Variants in SMG7 observed in about 807,000 individuals in gnomAD.
SMG7 encodes the protein nonsense-mediated mRNA decay factor SMG7.
Under a neutral mutation model 148.2 loss-of-function variants are expected in SMG7, and 34 were observed. The observed-to-expected ratio is 0.23, with a 90% CI of 0.17 to 0.31. SMG7 has a LOEUF of 0.31. Among genes scored for constraint, SMG7 ranks in the 10% least tolerant of loss-of-function variants. The pLI is 1.00. For missense variants in SMG7, 1,114 were observed against 1,408.4 expected (o/e 0.79, Z 3.35); for synonymous variants, 492 against 515.1 (o/e 0.96, Z 0.61).
At chr1:183,538,834 A>C (rs145789406) in intron 12 of SMG7, among the ~76,000 whole-genome samples, 1 of 152,276 alleles carries the variant, frequency 6.6e-6, no homozygotes, top group African/African-American at 2.4e-5. Flanking sequence ...ATGAATTTAC[A>C]TCCCTCTATT....
At chr1:183,474,878 A>G (rs911405960) in intron 1 of SMG7, among the ~76,000 whole-genome samples, 20 of 152,218 alleles carry the variant, frequency 1.3e-4, no homozygotes, top group Admixed American at 1.3e-4. Flanking sequence ...GAAGCGGGGA[A>G]TTCCAAATGG....
intron 4 of SMG7, among the ~76,000 whole-genome samples, chr1:183,525,980 A>G (rs1318629313): frequency 6.6e-6 from 1 of 151,910 alleles, no homozygotes; most frequent in Non-Finnish European, 1.5e-5. Flanking sequence ...TGCTTGCTTA[A>G]TGTGTCTGAA....
chr1:183,552,506 G>C lies in SMG7; in HGVS notation c.*575G>C, dbSNP rs1326104423. 1 of 997,764 alleles carries C rather than the reference G, an allele frequency of 1.0e-6. No homozygotes were observed. The highest frequency in any genetic ancestry group is 1.7e-5 in the African/African-American group (1 of 57,484). 61.8% of individuals were successfully genotyped at this position (997,764 alleles called of 1,614,324 possible). Reference sequence around the variant, plus strand: ...CCGTTCACTGCTCCTGTGAGAGGTTGGTGGTGACAGGATGGGGAACCGACC... The same window carrying C: ...CCGTTCACTGCTCCTGTGAGAGGTTCGTGGTGACAGGATGGGGAACCGACC... On this transcript the variant is annotated 3_prime_UTR_variant, in exon 23 of 23. Coordinates refer to ENST00000688051, the MANE Select transcript of SMG7 (RefSeq NM_001375584.1).
At chr1:183,496,263 T>C (rs546839430) in intron 1 of SMG7, among the ~76,000 whole-genome samples, 1 of 152,346 alleles carries the variant, frequency 6.6e-6, no homozygotes, top group South Asian at 2.1e-4. Context: ...GGGACTTTTT[T>C]TCCTTTTAAA....
At chr1:183,503,256 A>G (rs181185940) in intron 1 of SMG7, among the ~76,000 whole-genome samples, 13 of 152,344 alleles carry the variant, frequency 8.5e-5, no homozygotes, top group African/African-American at 2.9e-4. Context: ...AAGTGATTAA[A>G]CTATATTATT....
intron 12 of SMG7, among the ~76,000 whole-genome samples, chr1:183,540,037 T>A (rs1668523784): frequency 6.6e-6 from 1 of 152,216 alleles, no homozygotes; most frequent in African/African-American, 2.4e-5. Context: ...TTGTTCAGCC[T>A]TATTTTCTTC....
At chr1:183,538,738 T>C (rs1362703591) in intron 12 of SMG7, among the ~76,000 whole-genome samples, 4 of 152,212 alleles carry the variant, frequency 2.6e-5, no homozygotes, top group African/African-American at 9.6e-5. Flanking sequence ...TCCAGTGTCT[T>C]GTCTTTCTTT....
intron 1 of SMG7, among the ~76,000 whole-genome samples, chr1:183,485,743 G>GT (rs1236010144): frequency 6.6e-6 from 1 of 152,192 alleles, no homozygotes; most frequent in Non-Finnish European, 1.5e-5. Flanking sequence ...ACATAGAGAT[G>GT]TTTAGGTGCC....
At chr1:183,497,821 C>T (rs1472238590) in intron 1 of SMG7, among the ~76,000 whole-genome samples, 1 of 152,130 alleles carries the variant, frequency 6.6e-6, no homozygotes, top group Non-Finnish European at 1.5e-5. Context: ...CCACCTGCCT[C>T]GGCCTCCCAA....
At chr1:183,472,712 C>T in intron 1 of SMG7, 63 bp downstream of exon 1, 4 of 1,374,222 alleles carry the variant, frequency 2.9e-6, no homozygotes, top group Non-Finnish European at 3.8e-6. Context: ...CATGGAGCAA[C>T]AGACACCGAG....
At chr1:183,497,461 C>T (rs538839454) in intron 1 of SMG7, among the ~76,000 whole-genome samples, 3 of 152,286 alleles carry the variant, frequency 2.0e-5, no homozygotes, top group Admixed American at 1.3e-4. Context: ...GTAGGAGTTC[C>T]AGGGGTGCAA....
In SMG7 at chr1:183,527,710, A is replaced by G. The variant is rs1056089871; in HGVS notation, c.485-246A>G. 1 of 534,852 alleles carries G rather than the reference A, an allele frequency of 1.9e-6. No homozygotes were observed. The highest frequency in any genetic ancestry group is 3.7e-6 in the Non-Finnish European group (1 of 269,072). 33.1% of individuals were successfully genotyped at this position (534,852 alleles called of 1,614,324 possible). A position where few individuals can be genotyped will look rare whatever the true frequency, so the allele number is the denominator to read the frequency against. Reference sequence around the variant, plus strand: ...GGGAGCTGGTGATGCATGACACTGGAGGACCTGAAAATGGGGTCTAGGTAA... The same window carrying G: ...GGGAGCTGGTGATGCATGACACTGGGGGACCTGAAAATGGGGTCTAGGTAA... On this transcript the variant is annotated intron_variant, in intron 5 of 22. Coordinates refer to ENST00000688051, the MANE Select transcript of SMG7 (RefSeq NM_001375584.1). This position sits in a 1 kb window ranked among gnomAD's most constrained non-coding sequence, Gnocchi z 4.0.
At chr1:183,537,007 A>G in intron 10 of SMG7, 138 bp from the exon 11 acceptor site, 1 of 589,540 alleles carries the variant, frequency 1.7e-6, no homozygotes, top group South Asian at 2.3e-5. Flanking sequence ...ATTTTTAAAA[A>G]TTATACAGCC....
chr1:183,533,270 A>C lies in SMG7; in HGVS notation c.950A>C (p.Gln317Pro), dbSNP rs1667180592. ...CGTGACTTTAGCAATGAAACCGAGC[A>C]GCACACTTATAGCCAAGATGAGCAG... is the stretch of plus-strand genomic sequence containing the variant. The part of the protein sequence containing the change: ...HLRDFSNETE[Q>P]HTYSQDEQLC... The change falls in exon 9 of 23, where the codon CAG becomes CCG. Residue 317 changes from glutamine (Q) to proline (P), a missense_variant. This residue lies in a region of SMG7 where 102 missense variants were observed against 147.2 expected (regional missense o/e 0.69). Coordinates refer to ENST00000688051, the MANE Select transcript of SMG7 (RefSeq NM_001375584.1). The C allele has an allele frequency of 6.2e-7, 1 of 1,613,912 alleles. No individual in the cohort carries two copies. The highest frequency in any genetic ancestry group is 8.5e-7 in the Non-Finnish European group (1 of 1,179,892).
At chr1:183,496,855 T>C (rs575095123) in intron 1 of SMG7, among the ~76,000 whole-genome samples, 5 of 152,330 alleles carry the variant, frequency 3.3e-5, no homozygotes, top group Admixed American at 6.5e-5. Context: ...AATCTTAGAA[T>C]GTTTTAAGAA....
Position 183,542,280 on chromosome 1 carries a change from A to C in SMG7, c.1620A>C (p.Gly540=), listed in dbSNP as rs1377631094. 6.2e-7 allele frequency: 1 copy of C among 1,614,182 alleles called. No individual in the cohort carries two copies. ...SRNLSNNCDT[G]EKPVVTFKEN... ...ATTTAAGCAACAACTGTGACACAGG[A>C]GAGAAGCCAGTGGTTACCTTCAAAG... Residue 540 remains glycine (G), a synonymous_variant, in exon 14 of 23, where the codon GGA becomes GGC. Transcript: ENST00000688051.
intron 1 of SMG7, among the ~76,000 whole-genome samples, chr1:183,508,665 G>C (rs1029305579): frequency 1.3e-5 from 2 of 152,064 alleles, no homozygotes; most frequent in Non-Finnish European, 2.9e-5. Context: ...TCCTTTTCTT[G>C]TGAGGCAGTA....
intron 1 of SMG7, among the ~76,000 whole-genome samples, chr1:183,503,540 A>G (rs776869219): frequency 6.6e-6 from 1 of 152,130 alleles, no homozygotes; most frequent in Non-Finnish European, 1.5e-5. Flanking sequence ...TTCTTTTGTC[A>G]CTTGTGGTGG....
At chr1:183,538,561 C>T (rs761939027) in intron 12 of SMG7, 121 bp downstream of exon 12, 27 of 716,158 alleles carry the variant, frequency 3.8e-5, no homozygotes, top group Non-Finnish European at 5.5e-5. Flanking sequence ...ATTTTTGTAA[C>T]GTCAACTAAT....
Sources: gnomAD v4.1 joint callset for allele counts (sites outside exome capture counted in the v4.1 genomes callset) on GRCh38, gnomAD v4.1.1 for gene constraint, gnomAD v4.1.1 regional missense constraint, Gnocchi (gnomAD v3.1) non-coding constraint, MANE v1.5 for transcripts, NCBI Gene and HGNC (gene_info 2026-07-23, HGNC 2026-07-21) for gene names.